The following STAT5B variants were observed in gnomAD, a reference collection of about 807,000 sequenced individuals.
STAT5B encodes the protein signal transducer and activator of transcription 5B.
Under a neutral mutation model 107.8 loss-of-function variants are expected in STAT5B, and 21 were observed. The observed-to-expected ratio is 0.19, with a 90% CI of 0.14 to 0.28. STAT5B has a LOEUF of 0.28. Ranked by LOEUF, STAT5B falls within the 10% of genes least tolerant of loss-of-function variation. The probability of loss-of-function intolerance (pLI) is 1.00; values close to 1 mark genes in which losing one functional copy is unlikely to be tolerated. For synonymous variants in STAT5B, 325 were observed against 401.7 expected, an observed-to-expected ratio of 0.81 and a Z score of 2.28; for missense variants, 565 against 1,008.2, an observed-to-expected ratio of 0.56 and a Z score of 5.95.
intron 1 of STAT5B, among the ~76,000 whole-genome samples, chr17:42,241,148 G>A (rs2080398197): frequency 6.6e-6 from 1 of 151,736 alleles, no homozygotes; most frequent in Non-Finnish European, 1.5e-5. Flanking sequence ...AGACCAGCCT[G>A]ACCAACATGG....
chr17:42,286,524 G>A, the STAT5B span, among the ~76,000 whole-genome samples: 1 of 152,168 alleles, frequency 6.6e-6, no homozygotes, highest in African/African-American at 2.4e-5. Flanking sequence ...TTGGTGGGTG[G>A]GGCTGCCTGC....
intron 1 of STAT5B, among the ~76,000 whole-genome samples, chr17:42,240,003 G>A (rs747173634): frequency 9.9e-5 from 15 of 152,284 alleles, no homozygotes; most frequent in South Asian, 2.1e-4. Context: ...GCACGGTGGC[G>A]GGTGCCTGTA....
intron 1 of STAT5B, chr17:42,233,765 C>T (rs1258503943): frequency 4.6e-5 from 7 of 152,126 alleles, no homozygotes; most frequent in Non-Finnish European, 1.0e-4. Context: ...GCTGGAATTA[C>T]AGGTGTGAGC....
In STAT5B at chr17:42,207,862, T is replaced by C; in HGVS notation, c.1907-134A>G. 4.5e-6 allele frequency: 4 copies of C among 882,410 alleles called. No individual in the cohort carries two copies. In the South Asian group the frequency reaches 6.3e-5, roughly 14 times the overall value. The allele number at this position is 882,410 out of a possible 1,614,324, so 54.7% of individuals were successfully genotyped here. ...AGAAATCTCCATTTAAAAATAACCA[T>C]GGGTTATAGATGAAATACTTTTATT... On this transcript the variant is annotated intron_variant, in intron 15 of 18. Coordinates refer to ENST00000293328, the MANE Select transcript of STAT5B (RefSeq NM_012448.4).
intron 16 of STAT5B, among the ~76,000 whole-genome samples, chr17:42,203,317 C>T (rs2080060787): frequency 6.6e-6 from 1 of 152,112 alleles, no homozygotes; most frequent in African/African-American, 2.4e-5. Context: ...TTCAAGATAT[C>T]TTCCAAATTG....
chr17:42,284,075 G>A, the STAT5B span, among the ~76,000 whole-genome samples: 4 of 151,974 alleles, frequency 2.6e-5, no homozygotes, highest in African/African-American at 7.3e-5. Flanking sequence ...CATGTAACAG[G>A]AACTCTCCTT....
At chr17:42,255,127 C>T (rs1399186645) in intron 1 of STAT5B, among the ~76,000 whole-genome samples, 1 of 152,094 alleles carries the variant, frequency 6.6e-6, no homozygotes, top group Non-Finnish European at 1.5e-5. Context: ...TTCTTAATGA[C>T]ACGCAATCAG....
At chr17:42,233,888 A>G (rs1473806457) in intron 1 of STAT5B, 1 of 152,166 alleles carries the variant, frequency 6.6e-6, no homozygotes, top group African/African-American at 2.4e-5. Flanking sequence ...TTTTTAACTC[A>G]TCTGGCAGAT....
intron 12 of STAT5B, among the ~76,000 whole-genome samples, chr17:42,214,943 G>C (rs1032698186): frequency 1.3e-5 from 2 of 152,008 alleles, no homozygotes; most frequent in East Asian, 1.9e-4. Flanking sequence ...TGTAGAGACA[G>C]GATTTTGCTA....
At position 42,219,784 on chromosome 17, in the gene STAT5B, G is replaced by A; in HGVS notation, c.609C>T (p.Ala203=). 6.2e-7 allele frequency: 1 copy of A among 1,613,594 alleles called. No individual in the cohort carries two copies. Among genetic ancestry groups the A allele is most frequent in the Non-Finnish European group, 8.5e-7 (1 of 1,179,906 alleles). Residue 203 remains alanine, a synonymous_variant, in exon 6 of 19, where the codon GCC becomes GCT. Coordinates refer to ENST00000293328, the MANE Select transcript of STAT5B (RefSeq NM_012448.4). ...SPQERLSRET[A]LQQKQVSLEA... Reference sequence around the variant, plus strand: ...CCAGAGACACCTGCTTCTGCTGGAGGGCCGTCTCCCGGCTCAGACGCTCCT... The same window carrying A: ...CCAGAGACACCTGCTTCTGCTGGAGAGCCGTCTCCCGGCTCAGACGCTCCT...
rs749508222 is a variant in STAT5B, at chr17:42,212,027, T to A, written c.1637A>T (p.Glu546Val). 9.3e-6 allele frequency: 15 copies of A among 1,613,976 alleles called. No homozygotes were observed. Among genetic ancestry groups the A allele is most frequent in the Non-Finnish European group, 1.3e-5 (15 of 1,179,924 alleles). ...GGACACAGACAGGCCACTGTAGTCC[T>A]CCAGGTGGCTGCTGCTGTTGTTGAA... ...KLFNNSSSHL[E>V]DYSGLSVSWS... The change falls in exon 13 of 19, where the codon GAG becomes GTG. Residue 546 changes from glutamate (E) to valine (V), a missense_variant. Glu to Val is a moderately radical substitution (Grantham distance 121). Around this residue, in one of 11 missense-constraint regions of STAT5B, gnomAD observed 127 missense variants for 215.8 expected, o/e 0.59. Coordinates refer to ENST00000293328, the MANE Select transcript of STAT5B (RefSeq NM_012448.4).
Position 42,219,441 on chromosome 17 carries a change from T to G in STAT5B, c.704A>C (p.Lys235Thr). 1 of 1,469,288 alleles carries G rather than the reference T, an allele frequency of 6.8e-7. No homozygotes were observed. Among genetic ancestry groups the G allele is most frequent in the Non-Finnish European group, 9.2e-7 (1 of 1,090,080 alleles). The allele number at this position is 1,469,288 out of a possible 1,614,324, so 91.0% of individuals were successfully genotyped here. Residue 235 changes from lysine to threonine, a missense_variant, in exon 7 of 19, where the codon AAG (lysine) becomes ACG (threonine). Around this residue, in one of 11 missense-constraint regions of STAT5B, gnomAD observed 56 missense variants for 104.5 expected, o/e 0.54. Coordinates refer to ENST00000293328, the MANE Select transcript of STAT5B (RefSeq NM_012448.4). ...CTGCTTCCGCAGCAGCTGCAGGGTC[T>G]TCTGGTGCTTCTCGGCCAGCTCCTG... ...YRVELAEKHQ[K>T]TLQLLRKQQT...
In STAT5B at chr17:42,201,522, A is replaced by ACG. The variant is rs1218034114; in HGVS notation, c.*214_*215dup. On this transcript the variant is annotated 3_prime_UTR_variant, in exon 19 of 19. Coordinates refer to ENST00000293328, the MANE Select transcript of STAT5B (RefSeq NM_012448.4). ...GGGAGAAACACCATAACGTGCAAACACGCACACACACACACACACACACAC... is the reference window on the plus strand; with the variant it reads ...GGGAGAAACACCATAACGTGCAAACACGCGCACACACACACACACACACACAC... 10 of 625,754 alleles carry ACG rather than the reference A, an allele frequency of 1.6e-5. No individual in the cohort carries two copies. The highest frequency in any genetic ancestry group is 2.3e-5 in the Non-Finnish European group (8 of 346,592). 38.8% of individuals were successfully genotyped at this position (625,754 alleles called of 1,614,324 possible).
At chr17:42,279,395 G>A (rs1048074778), upstream of STAT5B, among the ~76,000 whole-genome samples, 1 of 152,186 alleles carries the variant, frequency 6.6e-6, no homozygotes, top group East Asian at 1.9e-4. Context: ...TACTACTGTG[G>A]TGTTTAGTAG....
At chr17:42,220,877 T>C (rs1273422658) in intron 5 of STAT5B, among the ~76,000 whole-genome samples, 2 of 151,932 alleles carry the variant, frequency 1.3e-5, no homozygotes, top group African/African-American at 4.8e-5. Context: ...AAAGTAAACA[T>C]GTCCACAGTT....
At chr17:42,265,490 T>C (rs1226055830) in intron 1 of STAT5B, among the ~76,000 whole-genome samples, 1 of 151,446 alleles carries the variant, frequency 6.6e-6, no homozygotes, top group Non-Finnish European at 1.5e-5. Context: ...GTAGCTGGGA[T>C]TACAGGCACG....
intron 1 of STAT5B, among the ~76,000 whole-genome samples, chr17:42,262,883 CATATATATGTGTGTATATATATGTGT>C (rs1400684785): frequency 8.4e-5 from 9 of 106,622 alleles, no homozygotes; most frequent in Non-Finnish European, 1.5e-4. Context: ...TATATATACA[CATATATATGTGTGTATATATATGTGT>C]ATATATATGT....
intron 13 of STAT5B, 91 bp downstream of exon 13, chr17:42,211,893 A>G (rs2080132516): frequency 1.3e-6 from 2 of 1,534,886 alleles, no homozygotes; most frequent in East Asian, 2.4e-5. Flanking sequence ...TATTAGAGAC[A>G]TGAAGAATAA....
intron 13 of STAT5B, among the ~76,000 whole-genome samples, chr17:42,211,373 C>G (rs545070633): frequency 9.2e-4 from 139 of 151,374 alleles, no homozygotes; most frequent in African/African-American, 3.2e-3. Flanking sequence ...GGGCGTGGTG[C>G]CGCATGCCTG....
Sources: gnomAD v4.1 joint callset for allele counts (sites outside exome capture counted in the v4.1 genomes callset) on GRCh38, gnomAD v4.1.1 for gene constraint, gnomAD v4.1.1 regional missense constraint, MANE v1.5 for transcripts, NCBI Gene and HGNC (gene_info 2026-07-23, HGNC 2026-07-21) for gene names.